Variants in KIF1A observed in about 807,000 individuals in gnomAD.
KIF1A encodes the protein kinesin family member 1A.
Under a neutral mutation model 227.3 loss-of-function variants are expected in KIF1A, and 46 were observed. That is an observed-to-expected ratio of 0.20 (90% CI 0.16 to 0.26). The LOEUF (loss-of-function observed/expected upper bound fraction) is 0.26, where lower values mean the gene tolerates loss of function less well. KIF1A is among the 10% of genes least tolerant of loss of function. The probability of loss-of-function intolerance (pLI) is 1.00; values close to 1 mark genes in which losing one functional copy is unlikely to be tolerated. For missense variants in KIF1A, 1,683 were observed against 2,485.9 expected (o/e 0.68, Z 6.87); for synonymous variants, 1,022 against 1,012.8 (o/e 1.01, Z -0.17).
At position 240,789,274 on chromosome 2, in the gene KIF1A, T is replaced by C; in HGVS notation, c.145A>G (p.Ser49Gly). The change falls in exon 3 of 49, where the codon AGC (serine) becomes GGC (glycine). Residue 49 changes from serine (S) to glycine (G), a missense_variant. Around this residue, in one of 12 missense-constraint regions of KIF1A, gnomAD observed 71 missense variants for 129.1 expected, o/e 0.55. Coordinates refer to ENST00000498729, the MANE Select transcript of KIF1A (RefSeq NM_001244008.2). The surrounding 1 kb of genome is among the most constrained non-coding windows in gnomAD (Gnocchi z 4.8). ...NPKQPKETPK[S>G]FSFDYSYWSH... ...CAGTAGGAGTAGTCAAAGCTGAAGC[T>C]TTTGGGCGTCTCCTTGGGCTGTTTG... 1 of 1,613,864 alleles carries C rather than the reference T, an allele frequency of 6.2e-7. No individual in the cohort carries two copies. Among genetic ancestry groups the C allele is most frequent in the Non-Finnish European group, 8.5e-7 (1 of 1,179,774 alleles).
intron 10 of KIF1A, chr2:240,782,092 T>C: frequency 1.0e-6 from 1 of 985,256 alleles, no homozygotes; most frequent in Non-Finnish European, 1.2e-6. Context: ...GCCCACGCGG[T>C]TCCTCACACA....
intron 38 of KIF1A, among the ~76,000 whole-genome samples, chr2:240,729,927 G>A (rs565250887): frequency 1.3e-5 from 2 of 152,322 alleles, no homozygotes; most frequent in Non-Finnish European, 2.9e-5. Flanking sequence ...TGCTGCCCCT[G>A]GGTCATTTCC....
At chr2:240,762,650 G>T in intron 23 of KIF1A, 69 bp downstream of exon 23, 2 of 1,453,670 alleles carry the variant, frequency 1.4e-6, no homozygotes, top group Non-Finnish European at 1.8e-6. Flanking sequence ...CCAGGGAGAG[G>T]CCCAGGGCTG....
At chr2:240,743,752 G>A (rs886735802) in intron 33 of KIF1A, among the ~76,000 whole-genome samples, 190 bp downstream of exon 33, 2 of 152,230 alleles carry the variant, frequency 1.3e-5, no homozygotes, top group African/African-American at 4.8e-5. Flanking sequence ...GAGAGAAGCT[G>A]CAGGCAGGCC....
chr2:240,767,407 C>G (rs374561981), intron 17 of KIF1A, 62 bp from the exon 18 acceptor site: 20 of 1,365,158 alleles, frequency 1.5e-5, no homozygotes, highest in Non-Finnish European at 2.0e-5. Flanking sequence ...GCTGGCCACA[C>G]CCCCCTCCAA....
At chr2:240,724,302 T>G in intron 40 of KIF1A, 1 of 522,484 alleles carries the variant, frequency 1.9e-6, no homozygotes, top group Non-Finnish European at 3.5e-6. Context: ...CAGCCTCCAC[T>G]TTGTCCCAGC....
intron 17 of KIF1A, among the ~76,000 whole-genome samples, chr2:240,768,015 T>C (rs2051424072): frequency 6.6e-6 from 1 of 152,194 alleles, no homozygotes; most frequent in Non-Finnish European, 1.5e-5. Flanking sequence ...GTGGGGAAGA[T>C]GTCCAGCCAG....
intron 27 of KIF1A, among the ~76,000 whole-genome samples, chr2:240,751,209 G>C (rs571674377): frequency 6.6e-6 from 1 of 152,130 alleles, no homozygotes; most frequent in Non-Finnish European, 1.5e-5. Context: ...GAGTACCTAC[G>C]GTCGCCAGAT....
At chr2:240,753,109 C>G (rs1462913698) in intron 27 of KIF1A, among the ~76,000 whole-genome samples, 1 of 152,208 alleles carries the variant, frequency 6.6e-6, no homozygotes, top group East Asian at 1.9e-4. Context: ...GGTGACCCAC[C>G]AACTTCTGAG....
intron 22 of KIF1A, 93 bp from the exon 23 acceptor site, chr2:240,762,905 G>C: frequency 7.5e-7 from 1 of 1,335,970 alleles, no homozygotes; most frequent in Non-Finnish European, 1.0e-6. Flanking sequence ...ACATCCCACT[G>C]TTTAGATGCA....
In KIF1A at chr2:240,719,117, C is replaced by T; in HGVS notation, c.5103G>A (p.Arg1701=). 6.2e-7 allele frequency: 1 copy of T among 1,612,592 alleles called. No individual in the cohort carries two copies. The highest frequency in any genetic ancestry group is 1.7e-5 in the Admixed American group (1 of 59,990). The change falls in exon 47 of 49, where the codon CGG becomes CGA. Residue 1701 remains arginine, a synonymous_variant. Coordinates refer to ENST00000498729, the MANE Select transcript of KIF1A (RefSeq NM_001244008.2). Reference sequence around the variant, plus strand: ...TGTTGTACATGTAGGCATAGGGGCGCCGCACCACCACGAAGCGCCTGGCCC... The same window carrying T: ...TGTTGTACATGTAGGCATAGGGGCGTCGCACCACCACGAAGCGCCTGGCCC... The part of the protein sequence containing the change: ...SGWARRFVVV[R]RPYAYMYNSD...
intron 17 of KIF1A, among the ~76,000 whole-genome samples, chr2:240,768,573 C>A (rs1220570262): frequency 1.3e-5 from 2 of 152,128 alleles, no homozygotes; most frequent in African/African-American, 4.8e-5. Flanking sequence ...ACCTGGGCTG[C>A]TGTGCCATGC....
intron 38 of KIF1A, among the ~76,000 whole-genome samples, chr2:240,733,127 G>T (rs1032010769): frequency 1.3e-5 from 2 of 151,974 alleles, no homozygotes; most frequent in Non-Finnish European, 2.9e-5. Flanking sequence ...TAATCCCACA[G>T]GATGTGGCTC....
rs184798167 is a variant in KIF1A, at chr2:240,783,428, G to A, written c.798+311C>T. Among the ~76,000 whole-genome samples, 133 of 152,290 alleles carry A rather than the reference G, an allele frequency of 8.7e-4. 1 individual carries two copies. Among genetic ancestry groups the A allele is most frequent in the Admixed American group, 2.1e-3 (32 of 15,310 alleles). ...GGGTCGAGGAAACACACTCCTTCCC[G>A]ACCCCGGCACTGCTTCCCGGGTGGT... is the stretch of plus-strand genomic sequence containing the variant. On this transcript the variant is annotated intron_variant, in intron 8 of 48. Transcript: ENST00000498729.
At position 240,745,845 on chromosome 2, in the gene KIF1A, A is replaced by T; in HGVS notation, c.3267T>A (p.Asp1089Glu). ...CCAGGCGGAGGTGGTCCAGGGCAGC[A>T]TCCAGGGGCCCATCCAGGGCGGCTT... Reference protein sequence around the residue: ...SEKAALDGPLDAALDHLRLGN... With the variant: ...SEKAALDGPLEAALDHLRLGN... The change falls in exon 31 of 49, where the codon GAT becomes GAA. Residue 1089 changes from aspartate to glutamate, a missense_variant. Physicochemically the swap from Asp to Glu is conservative, Grantham distance 45. Coordinates refer to ENST00000498729, the MANE Select transcript of KIF1A (RefSeq NM_001244008.2). 2 of 1,612,726 alleles carry T rather than the reference A, an allele frequency of 1.2e-6. No homozygotes were observed. The highest frequency in any genetic ancestry group is 2.2e-5 in the South Asian group (2 of 90,820).
rs1236223007 is a variant in KIF1A at position 240,757,517 on chromosome 2, G to A, written c.2660C>T (p.Ser887Phe). The change falls in exon 27 of 49, where the codon TCC (serine) becomes TTC (phenylalanine). Residue 887 changes from serine to phenylalanine, a missense_variant. By Grantham distance (155) the Ser-to-Phe change is radical (BLOSUM62 -2). This residue lies in a region of KIF1A where 759 missense variants were observed against 1,020.2 expected (regional missense o/e 0.74). Coordinates refer to ENST00000498729, the MANE Select transcript of KIF1A (RefSeq NM_001244008.2). The surrounding 1 kb of genome is among the most constrained non-coding windows in gnomAD (Gnocchi z 6.2). ...GGAGTCGGGGCTCGAGAAGGTGGGGGAGGGGGTGAGAGCAGCCATGCGCTC... is the reference window on the plus strand; with the variant it reads ...GGAGTCGGGGCTCGAGAAGGTGGGGAAGGGGGTGAGAGCAGCCATGCGCTC... ...MSERMAALTPSPTFSSPDSDA... is the reference protein window; with the variant it reads ...MSERMAALTPFPTFSSPDSDA... 1.9e-6 allele frequency: 3 copies of A among 1,550,486 alleles called. No individual in the cohort carries two copies. Among genetic ancestry groups the A allele is most frequent in the Admixed American group, 3.9e-5 (2 of 50,984 alleles).
chr2:240,800,105 G>GACACACACACAC lies in KIF1A; in HGVS notation c.-60-2305_-60-2294dup, dbSNP rs3220094. ...GAACAGACTAAGCATGTCCAAAGCA[G>GACACACACACAC]ACACACACACACACACACACACACA... On this transcript the variant is annotated intron_variant, in intron 1 of 48. Transcript: ENST00000498729. Among the ~76,000 whole-genome samples, 121 of 143,056 alleles carry GACACACACACAC rather than the reference G, an allele frequency of 8.5e-4. 1 individual carries two copies. The highest frequency in any genetic ancestry group is 3.6e-3 in the Middle Eastern group (1 of 278). 93.9% of individuals were successfully genotyped at this position (143,056 alleles called of 152,430 possible). A position where few individuals can be genotyped will look rare whatever the true frequency, so the allele number is the denominator to read the frequency against.
chr2:240,785,010 C>G lies in KIF1A; in HGVS notation c.699G>C (p.Glu233Asp), dbSNP rs373882732. 5.1e-5 allele frequency: 82 copies of G among 1,613,602 alleles called. No homozygotes were observed. Among genetic ancestry groups the G allele is most frequent in the Non-Finnish European group, 6.7e-5 (79 of 1,179,770 alleles). The change falls in exon 7 of 49, where the codon GAG becomes GAC. Residue 233 changes from glutamate (E) to aspartate (D), a missense_variant. Around this residue, in one of 12 missense-constraint regions of KIF1A, gnomAD observed 21 missense variants for 35.2 expected, o/e 0.60. Transcript: ENST00000498729. ...IIFTQKRHDA[E>D]TNITTEKVSK... ...TCACCTTCTCCGTGGTGATATTGGT[C>G]TCTGCGTCATGGCGCTTCTGGGTGA... is the stretch of plus-strand genomic sequence containing the variant.
In KIF1A at chr2:240,797,767, T is replaced by G; in HGVS notation, c.-15A>C. 1 of 1,575,888 alleles carries G rather than the reference T, an allele frequency of 6.3e-7. No homozygotes were observed. The highest frequency in any genetic ancestry group is 8.7e-7 in the Non-Finnish European group (1 of 1,151,146). ...GCCCCGGCCATCTCTGTGGCCTTCGTGGGTCACTCCTCGCAGTAGTGGGAG... is the reference window on the plus strand; with the variant it reads ...GCCCCGGCCATCTCTGTGGCCTTCGGGGGTCACTCCTCGCAGTAGTGGGAG... On this transcript the variant is annotated 5_prime_UTR_variant, in exon 2 of 49. Coordinates refer to ENST00000498729, the MANE Select transcript of KIF1A (RefSeq NM_001244008.2).
Sources: gnomAD v4.1 joint callset for allele counts (sites outside exome capture counted in the v4.1 genomes callset) on GRCh38, gnomAD v4.1.1 for gene constraint, gnomAD v4.1.1 regional missense constraint, Gnocchi (gnomAD v3.1) non-coding constraint, MANE v1.5 for transcripts, NCBI Gene and HGNC (gene_info 2026-07-23, HGNC 2026-07-21) for gene names.